The following GFRA2 variants were observed in gnomAD, a reference collection of about 807,000 sequenced individuals.
The protein encoded by GFRA2 is GDNF family receptor alpha-2.
GFRA2 carries 17 observed loss-of-function variants against 48.3 expected under a neutral mutation model. The observed-to-expected ratio is 0.35, with a 90% CI of 0.24 to 0.53. GFRA2 has a LOEUF of 0.53. Among genes scored for constraint, GFRA2 ranks in the 20% least tolerant of loss-of-function variants. The pLI, the probability that GFRA2 is intolerant of heterozygous loss-of-function variation, is 0.93. For synonymous variants in GFRA2, 305 were observed against 257.2 expected, an observed-to-expected ratio of 1.19 and a Z score of -1.78; for missense variants, 660 against 637.3, an observed-to-expected ratio of 1.04 and a Z score of -0.38.
At chr8:21,801,259 C>T (rs1366818500) in intron 2 of GFRA2, among the ~76,000 whole-genome samples, 1 of 151,988 alleles carries the variant, frequency 6.6e-6, no homozygotes, top group African/African-American at 2.4e-5. Flanking sequence ...TCTCATTTCT[C>T]AATGAGAGTC....
At chr8:21,801,900 G>A (rs997618598) in intron 2 of GFRA2, among the ~76,000 whole-genome samples, 15 of 152,320 alleles carry the variant, frequency 9.8e-5, no homozygotes, top group African/African-American at 3.1e-4. Context: ...AATGGGACTC[G>A]GGTGCTGGAG....
chr8:21,739,181 C>T (rs566792488), intron 4 of GFRA2, among the ~76,000 whole-genome samples: 1 of 152,270 alleles, frequency 6.6e-6, no homozygotes, highest in Non-Finnish European at 1.5e-5. Flanking sequence ...ATTTCCCTCT[C>T]CCTCTATATG....
chr8:21,705,244 C>T, intron 5 of GFRA2, 119 bp from the exon 6 acceptor site: 1 of 951,988 alleles, frequency 1.1e-6, no homozygotes, highest in South Asian at 1.7e-5. Context: ...CTGACCTGGC[C>T]CCAAAACACA....
intron 4 of GFRA2, among the ~76,000 whole-genome samples, chr8:21,721,414 G>A (rs571402393): frequency 1.9e-4 from 29 of 152,276 alleles, no homozygotes; most frequent in African/African-American, 6.5e-4. Context: ...GAAGTGCCTT[G>A]GGGACCTACA....
intron 4 of GFRA2, among the ~76,000 whole-genome samples, chr8:21,720,305 G>A (rs934466155): frequency 7.2e-5 from 11 of 152,178 alleles, no homozygotes; most frequent in Non-Finnish European, 5.9e-5. Context: ...CTGGGTTCAA[G>A]CCCCAGCTCT....
rs185882785 is a variant in GFRA2 at position 21,807,837 on chromosome 8, C to T, written c.-147-2709G>A. On this transcript the variant is annotated intron_variant, in intron 1 of 10. Transcript: ENST00000517328. ...TAATTCCTTTCTATTTCAATTCCGT[C>T]TGTAACATGGACATCATAACGCCTC... 2.1e-3 allele frequency among the ~76,000 whole-genome samples: 325 copies of T among 152,374 alleles called. 2 individuals carry two copies. Among genetic ancestry groups the T allele is most frequent in the Non-Finnish European group, 2.7e-3 (182 of 68,046 alleles).
At chr8:21,760,724 A>C (rs1466488772) in intron 3 of GFRA2, among the ~76,000 whole-genome samples, 1 of 152,196 alleles carries the variant, frequency 6.6e-6, no homozygotes, top group African/African-American at 2.4e-5. Flanking sequence ...GAGGTTGTGG[A>C]AAGCCACATA....
intron 1 of GFRA2, among the ~76,000 whole-genome samples, chr8:21,811,882 T>G (rs1358157620): frequency 6.6e-6 from 1 of 152,102 alleles, no homozygotes; most frequent in African/African-American, 2.4e-5. Context: ...TTTCCCTGAG[T>G]TACAATTTAC....
Position 21,784,361 on chromosome 8 carries a change from G to A in GFRA2, c.41-1462C>T, listed in dbSNP as rs1163547799. On this transcript the variant is annotated intron_variant, in intron 1 of 8. Coordinates refer to ENST00000524240, the MANE Select transcript of GFRA2 (RefSeq NM_001495.5). ...TTCCTGGACCGAAAGAGTAATTTGG[G>A]AGGCTTCCTCGACTCCATCTCGCCT... 6.6e-6 allele frequency: 3 copies of A among 455,940 alleles called. No individual in the cohort carries two copies. In the East Asian group the frequency reaches 2.1e-4, roughly 32 times the overall value. 28.2% of individuals were successfully genotyped at this position (455,940 alleles called of 1,614,324 possible).
At chr8:21,714,508 C>T (rs1488691476) in intron 4 of GFRA2, among the ~76,000 whole-genome samples, 2 of 152,014 alleles carry the variant, frequency 1.3e-5, no homozygotes, top group Admixed American at 6.6e-5. Flanking sequence ...ACCTCAGCCT[C>T]CCAAAGTGCT....
chr8:21,785,905 C>T (rs1807246207), intron 1 of GFRA2, among the ~76,000 whole-genome samples: 1 of 152,196 alleles, frequency 6.6e-6, no homozygotes, highest in Non-Finnish European at 1.5e-5. Flanking sequence ...CTCCACCCAC[C>T]CACCCAGTGG....
intron 3 of GFRA2, among the ~76,000 whole-genome samples, chr8:21,758,225 A>C (rs1554493920): frequency 5.3e-5 from 4 of 75,880 alleles, no homozygotes; most frequent in Non-Finnish European, 9.3e-5. Flanking sequence ...ACACACACAC[A>C]CACCTCACCC....
intron 3 of GFRA2, among the ~76,000 whole-genome samples, chr8:21,774,661 C>T (rs1024312362): frequency 6.6e-6 from 1 of 152,134 alleles, no homozygotes; most frequent in African/African-American, 2.4e-5. Flanking sequence ...AGCAGGAGAG[C>T]CAGGGAACTG....
At chr8:21,799,954 C>G (rs1368154622) in intron 2 of GFRA2, among the ~76,000 whole-genome samples, 1 of 152,162 alleles carries the variant, frequency 6.6e-6, no homozygotes, top group African/African-American at 2.4e-5. Context: ...GTAGTCAGAG[C>G]CTCTGTACCT....
chr8:21,734,930 T>C (rs908999204), intron 4 of GFRA2, among the ~76,000 whole-genome samples: 2 of 152,304 alleles, frequency 1.3e-5, no homozygotes, highest in Non-Finnish European at 2.9e-5. Context: ...TTCAGAGTCA[T>C]CCCTCTGCTC....
Position 21,693,062 on chromosome 8 carries a change from C to G in GFRA2, c.*216G>C. 2.5e-6 allele frequency: 1 copy of G among 394,312 alleles called. No homozygotes were observed. The highest frequency in any genetic ancestry group is 4.5e-6 in the Non-Finnish European group (1 of 221,498). 24.4% of individuals were successfully genotyped at this position (394,312 alleles called of 1,614,324 possible). On this transcript the variant is annotated 3_prime_UTR_variant, in exon 9 of 9. Coordinates refer to ENST00000524240, the MANE Select transcript of GFRA2 (RefSeq NM_001495.5). ...CCAGAGTTTCCCCTGCCAGGGGACCCCTGGGCCAGCTCTCAGGCTGCCTGC... is the reference window on the plus strand; with the variant it reads ...CCAGAGTTTCCCCTGCCAGGGGACCGCTGGGCCAGCTCTCAGGCTGCCTGC...
At chr8:21,785,239 T>C (rs1464996651) in intron 1 of GFRA2, among the ~76,000 whole-genome samples, 1 of 152,176 alleles carries the variant, frequency 6.6e-6, no homozygotes, top group African/African-American at 2.4e-5. Flanking sequence ...CACAGGATGA[T>C]CCTTACACAA....
chr8:21,782,391 CT>C lies in GFRA2; in HGVS notation c.355+193del, dbSNP rs775073845. Among the ~76,000 whole-genome samples, 223 of 151,034 alleles carry C rather than the reference CT, an allele frequency of 1.5e-3. 2 individuals carry two copies. In the Middle Eastern group the frequency reaches 0.024, roughly 16 times the overall value. On this transcript the variant is annotated intron_variant, in intron 2 of 8. Coordinates refer to ENST00000524240, the MANE Select transcript of GFRA2 (RefSeq NM_001495.5). ...CTGCCTCCTCTTTGTCTCTCCTGGC[CT>C]TTTCCAAACAATGCCACCCTCCTAG... is the stretch of plus-strand genomic sequence containing the variant.
At chr8:21,795,030 G>C (rs1484277987) in intron 2 of GFRA2, among the ~76,000 whole-genome samples, 3 of 152,208 alleles carry the variant, frequency 2.0e-5, no homozygotes, top group African/African-American at 7.2e-5. Context: ...GTTTTACCCA[G>C]CTTCTCCCCA....
Sources: allele counts gnomAD v4.1 joint callset (sites outside exome capture counted in the v4.1 genomes callset), GRCh38; gene constraint gnomAD v4.1.1; transcripts MANE v1.5; gene names NCBI Gene and HGNC (gene_info 2026-07-23, HGNC 2026-07-21).